MPHOSPH9: variants seen among roughly 807,000 people sequenced by gnomAD.
The protein encoded by MPHOSPH9 is M-phase phosphoprotein 9.
MPHOSPH9 carries 88 observed loss-of-function variants against 145.5 expected under a neutral mutation model. The observed-to-expected ratio is 0.60, with a 90% CI of 0.51 to 0.72. The LOEUF is 0.72. MPHOSPH9 is among the 30% of genes least tolerant of loss of function. The pLI, the probability that MPHOSPH9 is intolerant of heterozygous loss-of-function variation, is 0.00. For synonymous variants in MPHOSPH9, 435 were observed against 486.2 expected, an observed-to-expected ratio of 0.89 and a Z score of 1.39; for missense variants, 1,238 against 1,386.6, an observed-to-expected ratio of 0.89 and a Z score of 1.70.
At chr12:123,213,151 G>A (rs1259823298) in intron 7 of MPHOSPH9, among the ~76,000 whole-genome samples, 2 of 151,916 alleles carry the variant, frequency 1.3e-5, no homozygotes, top group Non-Finnish European at 2.9e-5. Context: ...GAGCCACCGC[G>A]CCTGGCTGAC....
At chr12:123,192,584 G>C (rs371070175) in intron 13 of MPHOSPH9, among the ~76,000 whole-genome samples, 2 of 118,486 alleles carry the variant, frequency 1.7e-5, no homozygotes, top group Non-Finnish European at 1.6e-5. Flanking sequence ...AGCTGTGATC[G>C]CACCACTGCA....
chr12:123,167,599 C>T (rs1032784755), intron 16 of MPHOSPH9, among the ~76,000 whole-genome samples: 1 of 152,132 alleles, frequency 6.6e-6, no homozygotes, highest in Non-Finnish European at 1.5e-5. Context: ...GTCCCAACCC[C>T]TTTGGACATG....
rs149419548 is a variant in MPHOSPH9, at chr12:123,202,872, T to C, written c.1533A>G (p.Ser511=). ...AGTCCACCGGAGAAGCTTTTGTGTG[T>C]GAGGGATATTTTGGAAATCCAGGTA... ...SQLPGFPKYP[S]HTKASPVDSW... The change falls in exon 10 of 24, where the codon TCA becomes TCG. Residue 511 remains serine, a synonymous_variant. Transcript: ENST00000606320. 6 of 1,614,190 alleles carry C rather than the reference T, an allele frequency of 3.7e-6. No individual in the cohort carries two copies. Among genetic ancestry groups the C allele is most frequent in the Non-Finnish European group, 5.1e-6 (6 of 1,180,034 alleles).
intron 1 of MPHOSPH9, among the ~76,000 whole-genome samples, chr12:123,239,248 G>A (rs1430695475): frequency 3.3e-5 from 5 of 152,220 alleles, no homozygotes; most frequent in Admixed American, 6.5e-5. Flanking sequence ...CAGCCTGGGT[G>A]ATGGAGCCAG....
chr12:123,234,113 A>G (rs1437475728), upstream of MPHOSPH9, among the ~76,000 whole-genome samples: 2 of 151,944 alleles, frequency 1.3e-5, no homozygotes, highest in East Asian at 3.9e-4. Flanking sequence ...TTGAAGGACC[A>G]AAGGGAACTC....
At chr12:123,230,899 A>T (rs2047611411) in intron 1 of MPHOSPH9, among the ~76,000 whole-genome samples, 1 of 152,160 alleles carries the variant, frequency 6.6e-6, no homozygotes, top group African/African-American at 2.4e-5. Flanking sequence ...GAGCTGGGGA[A>T]GGAGAGAATG....
intron 15 of MPHOSPH9, among the ~76,000 whole-genome samples, chr12:123,177,815 G>C (rs1386937324): frequency 6.6e-6 from 1 of 151,102 alleles, no homozygotes; most frequent in African/African-American, 2.4e-5. Flanking sequence ...CAAGGAAGCA[G>C]GCTTAACTTC....
intron 1 of MPHOSPH9, among the ~76,000 whole-genome samples, chr12:123,242,321 A>G (rs1388109996): frequency 2.6e-5 from 4 of 152,190 alleles, no homozygotes. Flanking sequence ...ACTGGGGCAG[A>G]GCTGTCATGA....
rs200988653 is a variant in MPHOSPH9 at position 123,166,771 on chromosome 12, G to A, written c.2475C>T (p.Asp825=). 45 of 1,613,312 alleles carry A rather than the reference G, an allele frequency of 2.8e-5. No individual in the cohort carries two copies. In the East Asian group the frequency reaches 5.1e-4, roughly 18 times the overall value. ...PSRANTLATS[D]VSRRKWLIPG... ...GAATCAGCCATTTCCGCCTGCTGACGTCTGAAGTTGCTAGTGTGCTATTAG... is the reference window on the plus strand; with the variant it reads ...GAATCAGCCATTTCCGCCTGCTGACATCTGAAGTTGCTAGTGTGCTATTAG... The change falls in exon 17 of 24, where the codon GAC becomes GAT. Residue 825 remains aspartate (D), a synonymous_variant. Transcript: ENST00000606320.
At chr12:123,199,607 A>T (rs2046127497) in intron 11 of MPHOSPH9, among the ~76,000 whole-genome samples, 1 of 152,016 alleles carries the variant, frequency 6.6e-6, no homozygotes, top group South Asian at 2.1e-4. Flanking sequence ...ATCCTGGATA[A>T]TACGGTGAAA....
intron 6 of MPHOSPH9, 60 bp downstream of exon 6, chr12:123,218,316 G>T (rs1440362908): frequency 1.9e-6 from 3 of 1,602,874 alleles, no homozygotes. Flanking sequence ...TCATGAGCGT[G>T]TACTAAACCC....
Position 123,218,505 on chromosome 12 carries a change from TAAG to T in MPHOSPH9, c.873-9_873-7del. On this transcript the variant is annotated splice_polypyrimidine_tract_variant and splice_region_variant and intron_variant, in intron 5 of 23. Transcript: ENST00000606320. ...CCCATGATGTTATAGCATTACTATT[TAAG>T]AAGAGAAAACCAAAATTACTTTTTT... The T allele has an allele frequency of 6.2e-7, 1 of 1,609,304 alleles. No individual in the cohort carries two copies. The highest frequency in any genetic ancestry group is 8.5e-7 in the Non-Finnish European group (1 of 1,178,420).
rs2044011662 is a variant in MPHOSPH9 at position 123,159,424 on chromosome 12, A to G, written c.3450+1357T>C. Among the ~76,000 whole-genome samples, 1 of 151,834 alleles carries G rather than the reference A, an allele frequency of 6.6e-6. No individual in the cohort carries two copies. On this transcript the variant is annotated intron_variant, in intron 23 of 23. Coordinates refer to ENST00000606320, the MANE Select transcript of MPHOSPH9 (RefSeq NM_022782.4). The surrounding 1 kb of genome is among the most constrained non-coding windows in gnomAD (Gnocchi z 4.3). ...GTGATCCGCCCACCTCGGCCTCCCA[A>G]AGTGCTGGGATTACAGGCATAAGCC...
chr12:123,173,648 A>C (rs2044691309), intron 16 of MPHOSPH9, among the ~76,000 whole-genome samples: 1 of 152,152 alleles, frequency 6.6e-6, no homozygotes, highest in African/African-American at 2.4e-5. Context: ...AAAATGCCCA[A>C]AAGGACAGGG....
At chr12:123,242,277 A>G (rs950453740) in intron 1 of MPHOSPH9, among the ~76,000 whole-genome samples, 2 of 152,198 alleles carry the variant, frequency 1.3e-5, no homozygotes, top group Admixed American at 6.5e-5. Flanking sequence ...GTAGAGCGCC[A>G]GCCCTACGCC....
chr12:123,221,019 C>G (rs2047176551), intron 5 of MPHOSPH9, among the ~76,000 whole-genome samples: 1 of 152,212 alleles, frequency 6.6e-6, no homozygotes, highest in Non-Finnish European at 1.5e-5. Context: ...TGCGCCACTG[C>G]ACTCCAGCCT....
chr12:123,211,410 T>A (rs1446841039), intron 7 of MPHOSPH9, among the ~76,000 whole-genome samples: 3 of 148,262 alleles, frequency 2.0e-5, no homozygotes, highest in Admixed American at 1.3e-4. Flanking sequence ...CATGGGCCAC[T>A]GCGCCCAGCC....
chr12:123,238,863 T>C (rs1255275347), intron 1 of MPHOSPH9, among the ~76,000 whole-genome samples: 4 of 152,188 alleles, frequency 2.6e-5, no homozygotes, highest in Admixed American at 1.3e-4. Context: ...TAGAGCTACA[T>C]TGTCCCATAA....
At chr12:123,219,552 C>CAAAA in intron 5 of MPHOSPH9, among the ~76,000 whole-genome samples, 1 of 49,952 alleles carries the variant, frequency 2.0e-5, no homozygotes, top group East Asian at 6.5e-4. Flanking sequence ...GACTCTGTCT[C>CAAAA]AAAAAAAAAA....
Sources: allele counts gnomAD v4.1 joint callset (sites outside exome capture counted in the v4.1 genomes callset), GRCh38; gene constraint gnomAD v4.1.1; non-coding constraint Gnocchi (gnomAD v3.1); transcripts MANE v1.5; gene names NCBI Gene and HGNC (gene_info 2026-07-23, HGNC 2026-07-21).